Variants in AFG3L2 observed in about 807,000 individuals in gnomAD.
The protein encoded by AFG3L2 is mitochondrial inner membrane m-AAA protease component AFG3L2.
Under a neutral mutation model 94.5 loss-of-function variants are expected in AFG3L2, and 54 were observed. The ratio of observed to expected loss-of-function variants is 0.57; its 90% CI spans 0.46 to 0.72. The LOEUF is 0.72. Ranked by LOEUF, AFG3L2 falls within the 30% of genes least tolerant of loss-of-function variation. AFG3L2 has a pLI of 0.00. For synonymous variants in AFG3L2, 377 were observed against 365.5 expected, an observed-to-expected ratio of 1.03 and a Z score of -0.36; for missense variants, 754 against 994.9, an observed-to-expected ratio of 0.76 and a Z score of 3.26.
chr18:12,354,577 C>G (rs1319630944), intron 9 of AFG3L2, among the ~76,000 whole-genome samples: 1 of 152,190 alleles, frequency 6.6e-6, no homozygotes, highest in Non-Finnish European at 1.5e-5. Context: ...CTCTCAGTTC[C>G]CTGACCACCC....
chr18:12,367,138 C>G (rs1568145459), intron 4 of AFG3L2, 21 bp from the exon 5 acceptor site: 2 of 1,614,160 alleles, frequency 1.2e-6, no homozygotes, highest in East Asian at 2.2e-5. Context: ...AGGGAGACAG[C>G]TTCTGTGAAG....
At chr18:12,345,253 G>A (rs536553601) in intron 13 of AFG3L2, among the ~76,000 whole-genome samples, 12 of 152,372 alleles carry the variant, frequency 7.9e-5, no homozygotes, top group East Asian at 5.8e-4. Context: ...GTCCACCACA[G>A]TGCTGACCGG....
In AFG3L2 at chr18:12,377,205, C is replaced by G. The variant is rs1458378461; in HGVS notation, c.-123G>C. 6.6e-6 allele frequency: 5 copies of G among 753,676 alleles called. No individual in the cohort carries two copies. The highest frequency in any genetic ancestry group is 1.0e-5 in the Non-Finnish European group (5 of 484,222). The allele number at this position is 753,676 out of a possible 1,614,324, so 46.7% of individuals were successfully genotyped here. A position where few individuals can be genotyped will look rare whatever the true frequency, so the allele number is the denominator to read the frequency against. Reference sequence around the variant, plus strand: ...GCCAGGCAGCGAAGCGCGCCGGCGGCTCACGGAGGAGCCCAAGCTCTCAAC... The same window carrying G: ...GCCAGGCAGCGAAGCGCGCCGGCGGGTCACGGAGGAGCCCAAGCTCTCAAC... On this transcript the variant is annotated 5_prime_UTR_variant, in exon 1 of 17. Transcript: ENST00000269143.
chr18:12,358,164 C>G (rs529874462), intron 8 of AFG3L2, among the ~76,000 whole-genome samples: 1 of 152,304 alleles, frequency 6.6e-6, no homozygotes, highest in African/African-American at 2.4e-5. Context: ...CTAGGGGCAC[C>G]AAGCCCTGTA....
intron 5 of AFG3L2, among the ~76,000 whole-genome samples, chr18:12,364,973 A>G (rs984304629): frequency 6.6e-5 from 10 of 152,294 alleles, no homozygotes; most frequent in African/African-American, 2.2e-4. Context: ...GCCAGCCTAC[A>G]TAGGATTCTT....
rs1333968626 is a variant in AFG3L2 at position 12,377,184 on chromosome 18, G to A, written c.-102C>T. On this transcript the variant is annotated 5_prime_UTR_variant, in exon 1 of 17. Coordinates refer to ENST00000269143, the MANE Select transcript of AFG3L2 (RefSeq NM_006796.3). ...GGCTCGGCTCGGGGAAAGGCCGCCAGGCAGCGAAGCGCGCCGGCGGCTCAC... is the reference window on the plus strand; with the variant it reads ...GGCTCGGCTCGGGGAAAGGCCGCCAAGCAGCGAAGCGCGCCGGCGGCTCAC... 2.4e-5 allele frequency: 22 copies of A among 932,144 alleles called. No homozygotes were observed. The highest frequency in any genetic ancestry group is 2.9e-5 in the Non-Finnish European group (19 of 648,726). 57.7% of individuals were successfully genotyped at this position (932,144 alleles called of 1,614,324 possible). A position where few individuals can be genotyped will look rare whatever the true frequency, so the allele number is the denominator to read the frequency against.
intron 3 of AFG3L2, among the ~76,000 whole-genome samples, chr18:12,369,370 C>G (rs940674375): frequency 3.9e-5 from 6 of 152,156 alleles, no homozygotes; most frequent in African/African-American, 1.2e-4. Context: ...TCCCCTGGCT[C>G]TTACTCCTTT....
At chr18:12,365,736 T>TACCTC (rs1908783265) in intron 5 of AFG3L2, among the ~76,000 whole-genome samples, 1 of 152,228 alleles carries the variant, frequency 6.6e-6, no homozygotes, top group Non-Finnish European at 1.5e-5. Flanking sequence ...TTCTTTACAC[T>TACCTC]ACCTCAGTAA....
intron 15 of AFG3L2, among the ~76,000 whole-genome samples, chr18:12,337,776 CTCTTT>C (rs1907801113): frequency 6.6e-6 from 1 of 152,060 alleles, no homozygotes; most frequent in Admixed American, 6.5e-5. Context: ...CCTGATTTCT[CTCTTT>C]TTTTTTTAGA....
At chr18:12,363,317 A>C (rs1454643536) in intron 6 of AFG3L2, among the ~76,000 whole-genome samples, 1 of 152,166 alleles carries the variant, frequency 6.6e-6, no homozygotes, top group Non-Finnish European at 1.5e-5. Context: ...GGAACTACAA[A>C]TTATTTTTAA....
At chr18:12,374,948 C>A (rs535859208) in intron 1 of AFG3L2, among the ~76,000 whole-genome samples, 1 of 151,158 alleles carries the variant, frequency 6.6e-6, no homozygotes, top group Non-Finnish European at 1.5e-5. Flanking sequence ...CCCAGCTACT[C>A]GGGAGGCTGA....
intron 5 of AFG3L2, among the ~76,000 whole-genome samples, chr18:12,365,728 C>G (rs1313360058): frequency 1.3e-5 from 2 of 152,228 alleles, no homozygotes; most frequent in African/African-American, 4.8e-5. Context: ...AATTCAAATT[C>G]TTTACACTAC....
chr18:12,340,420 T>C lies in AFG3L2; in HGVS notation c.1780-19A>G, dbSNP rs972573916. ...TGGATACCTGGTAAGTAGAAAACAG[T>C]GTTGAAGATCCTACTACAGATGAAG... On this transcript the variant is annotated intron_variant, in intron 14 of 16. Transcript: ENST00000269143. 3.2e-6 allele frequency: 5 copies of C among 1,578,546 alleles called. No homozygotes were observed. In the Admixed American group the frequency reaches 8.3e-5, roughly 26 times the overall value.
At chr18:12,376,157 G>A (rs1414535380) in intron 1 of AFG3L2, among the ~76,000 whole-genome samples, 3 of 152,170 alleles carry the variant, frequency 2.0e-5, no homozygotes, top group Admixed American at 6.5e-5. Flanking sequence ...ACGTTGAGCT[G>A]ACTACAAGGG....
intron 16 of AFG3L2, chr18:12,337,004 G>C (rs1907762600): frequency 3.9e-6 from 2 of 513,100 alleles, no homozygotes; most frequent in African/African-American, 1.9e-5. Context: ...AAACACAATG[G>C]TAAACCAGGC....
chr18:12,345,087 C>A (rs765129996), intron 13 of AFG3L2, among the ~76,000 whole-genome samples: 3 of 152,188 alleles, frequency 2.0e-5, no homozygotes, highest in Admixed American at 2.0e-4. Flanking sequence ...GTTCAACACC[C>A]GGAGCTACCT....
chr18:12,367,638 T>C (rs1356783192), intron 3 of AFG3L2, among the ~76,000 whole-genome samples: 3 of 152,240 alleles, frequency 2.0e-5, no homozygotes, highest in Admixed American at 1.3e-4. Context: ...AGGACTGTTA[T>C]ACCCTTCACA....
intron 3 of AFG3L2, among the ~76,000 whole-genome samples, chr18:12,369,094 C>T (rs942361791): frequency 1.3e-5 from 2 of 152,084 alleles, no homozygotes; most frequent in African/African-American, 4.8e-5. Context: ...GTATGATATG[C>T]ACAAGCCTCA....
intron 3 of AFG3L2, 39 bp from the exon 4 acceptor site, chr18:12,367,421 G>C (rs1424483109): frequency 6.3e-7 from 1 of 1,591,876 alleles, no homozygotes; most frequent in Admixed American, 1.7e-5. Context: ...AGCACGGCAA[G>C]GTTTTAGCTC....
Sources: gnomAD v4.1 joint callset for allele counts (sites outside exome capture counted in the v4.1 genomes callset) on GRCh38, gnomAD v4.1.1 for gene constraint, MANE v1.5 for transcripts, NCBI Gene and HGNC (gene_info 2026-07-23, HGNC 2026-07-21) for gene names.